Variants in SDS observed in about 807,000 individuals in gnomAD.
The protein encoded by SDS is L-serine dehydratase/L-threonine deaminase.
SDS carries 19 observed loss-of-function variants against 29.3 expected under a neutral mutation model. The observed-to-expected ratio is 0.65, with a 90% CI of 0.45 to 0.95. The LOEUF (loss-of-function observed/expected upper bound fraction) is 0.95, where lower values mean the gene tolerates loss of function less well. Among genes scored for constraint, SDS ranks in the 40% least tolerant of loss-of-function variants. The pLI is 0.00. For synonymous variants in SDS, 176 were observed against 189.0 expected (o/e 0.93, Z 0.56); for missense variants, 375 against 439.9 (o/e 0.85, Z 1.32).
At chr12:113,403,446 C>T (rs539081273) in intron 1 of SDS, among the ~76,000 whole-genome samples, 7 of 152,136 alleles carry the variant, frequency 4.6e-5, no homozygotes, top group African/African-American at 1.7e-4. Flanking sequence ...ATCGCTTGAA[C>T]CCAGGAGGTG....
chr12:113,401,294 T>C (rs1181712921), intron 1 of SDS, among the ~76,000 whole-genome samples: 1 of 152,216 alleles, frequency 6.6e-6, no homozygotes, highest in Non-Finnish European at 1.5e-5. Context: ...AAGCCCAATA[T>C]TCAGTTAGGA....
At chr12:113,398,181 C>T (rs186099259) in intron 5 of SDS, among the ~76,000 whole-genome samples, 2 of 152,026 alleles carry the variant, frequency 1.3e-5, no homozygotes, top group African/African-American at 2.4e-5. Context: ...AGCGATTCTC[C>T]TGCCTTAGTC....
intron 6 of SDS, among the ~76,000 whole-genome samples, chr12:113,396,431 TTCTC>T (rs1209477261): frequency 6.6e-6 from 1 of 150,990 alleles, no homozygotes; most frequent in South Asian, 2.1e-4. Context: ...CTCTCTTTCT[TTCTC>T]TTTCTTTTTC....
chr12:113,403,187 C>G (rs180881478), intron 1 of SDS, among the ~76,000 whole-genome samples: 1 of 152,050 alleles, frequency 6.6e-6, no homozygotes. Context: ...AGTGCAGGGG[C>G]GCAATAATTG....
chr12:113,398,559 G>A lies in SDS; in HGVS notation c.381C>T (p.Asn127=), dbSNP rs761470062. Residue 127 remains asparagine (N), a synonymous_variant, in exon 5 of 8, where the codon AAC becomes AAT. Coordinates refer to ENST00000257549, the MANE Select transcript of SDS (RefSeq NM_006843.3). ...AGGGGGGAATGTAGACCCAACCCGG[G>A]TTGTTCTTCGCTAGGGCCTTGGCCA... ...FELAKALAKN[N]PGWVYIPPFD... is the part of the protein sequence containing the mutation. 2.5e-6 allele frequency: 4 copies of A among 1,595,180 alleles called. No individual in the cohort carries two copies. The highest frequency in any genetic ancestry group is 2.2e-5 in the East Asian group (1 of 44,560).
At chr12:113,398,440 C>T in intron 5 of SDS, 75 bp downstream of exon 5, 1 of 903,108 alleles carries the variant, frequency 1.1e-6, no homozygotes, top group Non-Finnish European at 1.8e-6. Context: ...TGATGATGTG[C>T]ATCATAGCAA....
intron 2 of SDS, 81 bp downstream of exon 2, chr12:113,399,475 T>C: frequency 1.4e-6 from 2 of 1,416,840 alleles, no homozygotes; most frequent in Non-Finnish European, 1.9e-6. Flanking sequence ...ACGCCTTTAA[T>C]TTCACACAGC....
rs1957668070 is a variant in SDS at position 113,399,142 on chromosome 12, G to C, written c.163C>G (p.Gln55Glu). The change falls in exon 3 of 8, where the codon CAA (glutamine) becomes GAA (glutamate). Residue 55 changes from glutamine to glutamate, a missense_variant. Coordinates refer to ENST00000257549, the MANE Select transcript of SDS (RefSeq NM_006843.3). The stretch of plus-strand genomic sequence containing the variant: ...GAGCAGACAAAATGTGCACAGCCTT[G>C]CTTGGCCCACTGTGGAGACAACAGG... ...IGHFCKRWAKQGCAHFVCSSA... is the reference protein window; with the variant it reads ...IGHFCKRWAKEGCAHFVCSSA... 1.4e-5 allele frequency: 23 copies of C among 1,613,798 alleles called. No individual in the cohort carries two copies. The highest frequency in any genetic ancestry group is 1.9e-5 in the Non-Finnish European group (23 of 1,179,898).
intron 3 of SDS, 128 bp from the exon 4 acceptor site, chr12:113,398,974 T>C: frequency 1.3e-6 from 2 of 1,521,426 alleles, no homozygotes; most frequent in Non-Finnish European, 1.8e-6. Flanking sequence ...ACTGCTGGCC[T>C]CCCCCTGGAA....
At chr12:113,398,893 G>C (rs1205514575) in intron 3 of SDS, 47 bp from the exon 4 acceptor site, 1 of 1,560,228 alleles carries the variant, frequency 6.4e-7, no homozygotes, top group South Asian at 1.2e-5. Context: ...GAGCATCTGG[G>C]AGCCCAGGCA....
chr12:113,392,808 CTGAT>C lies in SDS; in HGVS notation c.*129_*132del. On this transcript the variant is annotated 3_prime_UTR_variant, in exon 8 of 8. Transcript: ENST00000257549. ...CCTTTGGCCTCTGCATAGTGGGCTC[CTGAT>C]AACAAGAAGTTAACCTGCACCCAGG... The C allele has an allele frequency of 1.2e-6, 1 of 866,012 alleles. No individual in the cohort carries two copies. Among genetic ancestry groups the C allele is most frequent in the Non-Finnish European group, 1.9e-6 (1 of 532,952 alleles). 53.6% of individuals were successfully genotyped at this position (866,012 alleles called of 1,614,324 possible). A position where few individuals can be genotyped will look rare whatever the true frequency, so the allele number is the denominator to read the frequency against.
chr12:113,398,638 G>A, intron 4 of SDS, 32 bp from the exon 5 acceptor site: 4 of 1,600,892 alleles, frequency 2.5e-6, no homozygotes, highest in Non-Finnish European at 2.6e-6. Flanking sequence ...AGGAGGGGGT[G>A]AGGCACAGGG....
At chr12:113,396,750 C>T (rs1041143784) in intron 6 of SDS, 3 of 200,078 alleles carry the variant, frequency 1.5e-5, no homozygotes, top group Non-Finnish European at 3.1e-5. Context: ...ATCCTTCCCA[C>T]CTTAGCCTGG....
intron 1 of SDS, among the ~76,000 whole-genome samples, chr12:113,400,388 A>C (rs1593299169): frequency 6.6e-6 from 1 of 152,004 alleles, no homozygotes; most frequent in Middle Eastern, 3.4e-3. Flanking sequence ...GAGGAGCATC[A>C]CTTGAACCGA....
At chr12:113,396,585 C>CCTTCCTTG in intron 6 of SDS, 1 of 110,220 alleles carries the variant, frequency 9.1e-6, no homozygotes, top group Middle Eastern at 5.3e-3. Context: ...TTCCTTCCTT[C>CCTTCCTTG]CTTCCTTCCT....
chr12:113,398,107 C>G (rs1457927353), intron 5 of SDS, among the ~76,000 whole-genome samples: 1 of 144,280 alleles, frequency 6.9e-6, no homozygotes, highest in Non-Finnish European at 1.5e-5. Context: ...GTCTCACTCT[C>G]TTGCCCAGGC....
chr12:113,400,481 A>T (rs1957678329), intron 1 of SDS, among the ~76,000 whole-genome samples: 1 of 151,806 alleles, frequency 6.6e-6, no homozygotes, highest in Non-Finnish European at 1.5e-5. Flanking sequence ...TCAAAAAAAA[A>T]AAAGAATAGT....
intron 1 of SDS, among the ~76,000 whole-genome samples, chr12:113,403,023 C>G (rs764645781): frequency 6.6e-6 from 1 of 152,148 alleles, no homozygotes; most frequent in African/African-American, 2.4e-5. Flanking sequence ...ATCCTTTCAC[C>G]GTCACAACCA....
At chr12:113,399,065 T>A in intron 3 of SDS, 47 bp downstream of exon 3, 2 of 1,603,696 alleles carry the variant, frequency 1.2e-6, no homozygotes, top group Non-Finnish European at 1.7e-6. Context: ...GAGTGTCTGA[T>A]CCCAGGACAC....
Sources: gnomAD v4.1 joint callset for allele counts (sites outside exome capture counted in the v4.1 genomes callset) on GRCh38, gnomAD v4.1.1 for gene constraint, MANE v1.5 for transcripts, NCBI Gene and HGNC (gene_info 2026-07-23, HGNC 2026-07-21) for gene names.